The following DCTN5 variants were observed in gnomAD, a reference collection of about 807,000 sequenced individuals.
The protein encoded by DCTN5 is dynactin subunit 5, also known as dynactin 4.
In DCTN5, 14 loss-of-function variants were observed where a neutral mutation model predicts 23.5. That is an observed-to-expected ratio of 0.60 (90% CI 0.39 to 0.93). The LOEUF (loss-of-function observed/expected upper bound fraction) is 0.93, where lower values mean the gene tolerates loss of function less well. Among genes scored for constraint, DCTN5 ranks in the 40% least tolerant of loss-of-function variants. The pLI, the probability that DCTN5 is intolerant of heterozygous loss-of-function variation, is 0.00. For missense variants in DCTN5, 156 were observed against 225.9 expected (o/e 0.69, Z 1.98); for synonymous variants, 67 against 79.6 (o/e 0.84, Z 0.84).
intron 2 of DCTN5, among the ~76,000 whole-genome samples, chr16:23,655,445 A>T (rs1162991930): frequency 6.6e-6 from 1 of 151,954 alleles, no homozygotes; most frequent in African/African-American, 2.4e-5. Flanking sequence ...AGCAAGTGGC[A>T]CTATCATAGC....
chr16:23,641,511 G>A lies in DCTN5; in HGVS notation c.-32G>A. 1 of 1,613,938 alleles carries A rather than the reference G, an allele frequency of 6.2e-7. No individual in the cohort carries two copies. Among genetic ancestry groups the A allele is most frequent in the Non-Finnish European group, 8.5e-7 (1 of 1,179,906 alleles). ...AAAGACTGACCGACTGACTCTGACA[G>A]GATCCGGGGCTGAGGGAAGGAGGCG... On this transcript the variant is annotated 5_prime_UTR_variant, in exon 1 of 6. Coordinates refer to ENST00000300087, the MANE Select transcript of DCTN5 (RefSeq NM_032486.4).
intron 1 of DCTN5, among the ~76,000 whole-genome samples, chr16:23,642,121 C>T (rs703772): frequency 1.3e-5 from 2 of 151,940 alleles, no homozygotes; most frequent in Admixed American, 1.3e-4. Context: ...TTGGTAGAGA[C>T]GGGGTTTCAC....
intron 3 of DCTN5, among the ~76,000 whole-genome samples, chr16:23,660,401 A>G (rs558717000): frequency 2.6e-5 from 4 of 152,348 alleles, no homozygotes; most frequent in South Asian, 2.1e-4. Flanking sequence ...TAGAAATTAC[A>G]TATAAATGTG....
chr16:23,660,614 C>G (rs1030087924), intron 3 of DCTN5, among the ~76,000 whole-genome samples: 1 of 152,204 alleles, frequency 6.6e-6, no homozygotes, highest in Non-Finnish European at 1.5e-5. Flanking sequence ...GTTGTCACTA[C>G]TTACTATTTA....
intron 2 of DCTN5, among the ~76,000 whole-genome samples, chr16:23,643,764 T>C (rs1477910467): frequency 6.6e-6 from 1 of 152,084 alleles, no homozygotes; most frequent in African/African-American, 2.4e-5. Context: ...GGAAAAGATA[T>C]TAAAGTATGA....
At chr16:23,645,082 A>ACTAT (rs1967397582) in intron 2 of DCTN5, among the ~76,000 whole-genome samples, 3 of 60,342 alleles carry the variant, frequency 5.0e-5, no homozygotes, top group Non-Finnish European at 9.0e-5. Flanking sequence ...ACCCAGCCTA[A>ACTAT]CTATATATAT....
chr16:23,669,365 G>A lies in DCTN5; in HGVS notation c.*2221G>A, dbSNP rs1967964643. Reference sequence around the variant, plus strand: ...GGCTCTCAGCTCTGCTTTCATTTGAGTTGGCTTTATTCTTGGGCTTCACAG... The same window carrying A: ...GGCTCTCAGCTCTGCTTTCATTTGAATTGGCTTTATTCTTGGGCTTCACAG... On this transcript the variant is annotated 3_prime_UTR_variant, in exon 6 of 6. Coordinates refer to ENST00000300087, the MANE Select transcript of DCTN5 (RefSeq NM_032486.4). 6.6e-6 allele frequency: 1 copy of A among 152,264 alleles called. No homozygotes were observed. The highest frequency in any genetic ancestry group is 2.1e-4 in the South Asian group (1 of 4,828). The allele number at this position is 152,264 out of a possible 1,614,324, so 9.4% of individuals were successfully genotyped here. A position where few individuals can be genotyped will look rare whatever the true frequency, so the allele number is the denominator to read the frequency against.
At chr16:23,660,221 T>C (rs951043090) in intron 3 of DCTN5, among the ~76,000 whole-genome samples, 3 of 152,208 alleles carry the variant, frequency 2.0e-5, no homozygotes, top group Non-Finnish European at 4.4e-5. Context: ...AAACAAATTA[T>C]AGGTTCGTAG....
intron 3 of DCTN5, among the ~76,000 whole-genome samples, chr16:23,659,238 A>G (rs2140983630): frequency 6.6e-6 from 1 of 152,304 alleles, no homozygotes; most frequent in South Asian, 2.1e-4. Context: ...TTTGACCCAA[A>G]GGGCAGAGTC....
intron 4 of DCTN5, among the ~76,000 whole-genome samples, chr16:23,663,957 G>C (rs1011430931): frequency 6.6e-6 from 1 of 152,204 alleles, no homozygotes; most frequent in African/African-American, 2.4e-5. Flanking sequence ...CCATCAGCTA[G>C]TCTTCTTTTC....
intron 3 of DCTN5, among the ~76,000 whole-genome samples, chr16:23,660,575 GAT>G (rs1967791171): frequency 6.6e-6 from 1 of 152,134 alleles, no homozygotes; most frequent in Non-Finnish European, 1.5e-5. Context: ...CTCATAACTT[GAT>G]ATTGTGTTTC....
intron 4 of DCTN5, among the ~76,000 whole-genome samples, chr16:23,661,755 A>AAATAAATAAATAAATAAAT (rs1567233059): frequency 7.0e-6 from 1 of 143,014 alleles, no homozygotes; most frequent in African/African-American, 2.7e-5. Context: ...AATAAATAAA[A>AAATAAATAAATAAATAAAT]AGATTTGGAA....
At chr16:23,650,837 G>A (rs1967588941) in intron 2 of DCTN5, 2 of 1,470,972 alleles carry the variant, frequency 1.4e-6, no homozygotes, top group Admixed American at 2.0e-5. Context: ...AGATGAGTCA[G>A]TAAGACTGAG....
rs912218800 is a variant in DCTN5, at chr16:23,676,657, C to G, written c.*9513C>G. 6.6e-6 allele frequency: 1 copy of G among 152,162 alleles called. No individual in the cohort carries two copies. Among genetic ancestry groups the G allele is most frequent in the African/African-American group, 2.4e-5 (1 of 41,432 alleles). The allele number at this position is 152,162 out of a possible 1,614,324, so 9.4% of individuals were successfully genotyped here. On this transcript the variant is annotated 3_prime_UTR_variant, in exon 6 of 6. Transcript: ENST00000300087. ...ATTTTAGCTGGTTAAGTCCAGGACC[C>G]CTACCAGGAAGAACTGAGGTCCATA...
At chr16:23,665,554 A>C in intron 4 of DCTN5, 72 bp from the exon 5 acceptor site, 1 of 1,411,932 alleles carries the variant, frequency 7.1e-7, no homozygotes, top group Non-Finnish European at 9.7e-7. Context: ...GGTATCATGA[A>C]TGGGGAAAAT....
At chr16:23,645,661 C>T (rs978173327) in intron 2 of DCTN5, among the ~76,000 whole-genome samples, 10 of 152,236 alleles carry the variant, frequency 6.6e-5, no homozygotes, top group African/African-American at 2.2e-4. Context: ...AATATTTGTC[C>T]TTTTTGTCTG....
At chr16:23,644,503 T>G (rs1333095945) in intron 2 of DCTN5, among the ~76,000 whole-genome samples, 1 of 151,824 alleles carries the variant, frequency 6.6e-6, no homozygotes, top group African/African-American at 2.4e-5. Flanking sequence ...GGTTTCACCG[T>G]GTTAGCCAGG....
Position 23,674,672 on chromosome 16 carries a change from G to C in DCTN5, c.*7528G>C, listed in dbSNP as rs1385711459. Reference sequence around the variant, plus strand: ...TCTAGTCTGCTCATTGAATAATCAGGACAAAAGGGGTAGAAGATTATGTAA... The same window carrying C: ...TCTAGTCTGCTCATTGAATAATCAGCACAAAAGGGGTAGAAGATTATGTAA... On this transcript the variant is annotated 3_prime_UTR_variant, in exon 6 of 6. Transcript: ENST00000300087. The C allele has an allele frequency of 6.6e-6, 1 of 152,286 alleles. No individual in the cohort carries two copies. Among genetic ancestry groups the C allele is most frequent in the East Asian group, 1.9e-4 (1 of 5,182 alleles). The allele number at this position is 152,286 out of a possible 1,614,324, so 9.4% of individuals were successfully genotyped here.
chr16:23,645,128 TATATA>T lies in DCTN5; in HGVS notation c.117+2106_117+2110del, dbSNP rs1474796201. Among the ~76,000 whole-genome samples, 203 of 38,710 alleles carry T rather than the reference TATATA, an allele frequency of 5.2e-3. 2 individuals carry two copies. The highest frequency in any genetic ancestry group is 7.6e-3 in the Non-Finnish European group (160 of 21,170). The allele number at this position is 38,710 out of a possible 152,430, so 25.4% of individuals were successfully genotyped here. ...ATATATATATATATATATATATATA[TATATA>T]TATATTTTTTTTTTTTTTAATACGC... is the stretch of plus-strand genomic sequence containing the variant. On this transcript the variant is annotated intron_variant, in intron 2 of 5. Coordinates refer to ENST00000300087, the MANE Select transcript of DCTN5 (RefSeq NM_032486.4).
Sources: gnomAD v4.1 joint callset for allele counts (sites outside exome capture counted in the v4.1 genomes callset) on GRCh38, gnomAD v4.1.1 for gene constraint, MANE v1.5 for transcripts, NCBI Gene and HGNC (gene_info 2026-07-23, HGNC 2026-07-21) for gene names.